CCDC171: variants seen among roughly 807,000 people sequenced by gnomAD.
CCDC171 encodes the protein coiled-coil domain-containing protein 171.
CCDC171 carries 177 observed loss-of-function variants against 168.2 expected under a neutral mutation model. The observed-to-expected ratio is 1.05, with a 90% CI of 0.93 to 1.19. The LOEUF (loss-of-function observed/expected upper bound fraction) is 1.19. Ranked by LOEUF, CCDC171 falls within the 50% of genes most tolerant of loss-of-function variation. The pLI, the probability that CCDC171 is intolerant of heterozygous loss-of-function variation, is 0.00. For synonymous variants in CCDC171, 687 were observed against 540.8 expected, an observed-to-expected ratio of 1.27 and a Z score of -3.75; for missense variants, 1,991 against 1,539.0, an observed-to-expected ratio of 1.29 and a Z score of -4.91.
At chr9:16,005,441 A>G (rs1474620503) in intron 3 of CCDC171, among the ~76,000 whole-genome samples, 1 of 152,214 alleles carries the variant, frequency 6.6e-6, no homozygotes, top group African/African-American at 2.4e-5. Flanking sequence ...GGTCATTGTG[A>G]ATAGTGCTAC....
intron 1 of CCDC171, among the ~76,000 whole-genome samples, chr9:16,047,155 G>T (rs1833674876): frequency 6.6e-6 from 1 of 152,298 alleles, no homozygotes; most frequent in Admixed American, 6.5e-5. Flanking sequence ...CTCCAGCTCA[G>T]ACCCTTTAGG....
intron 24 of CCDC171, among the ~76,000 whole-genome samples, chr9:15,882,142 T>G (rs973121673): frequency 6.6e-6 from 1 of 152,192 alleles, no homozygotes; most frequent in African/African-American, 2.4e-5. Flanking sequence ...TTAACCGGGG[T>G]GAGATGATAG....
chr9:15,994,679 C>G (rs1027775351), intron 3 of CCDC171, among the ~76,000 whole-genome samples: 1 of 152,206 alleles, frequency 6.6e-6, no homozygotes, highest in Non-Finnish European at 1.5e-5. Flanking sequence ...GCCCATTGCA[C>G]ATTTCACCAT....
At chr9:15,712,566 T>A (rs2052749371) in intron 11 of CCDC171, among the ~76,000 whole-genome samples, 1 of 152,324 alleles carries the variant, frequency 6.6e-6, no homozygotes, top group South Asian at 2.1e-4. Flanking sequence ...TGTGTACACA[T>A]GGATGGTAGT....
intron 3 of CCDC171, among the ~76,000 whole-genome samples, chr9:15,997,890 A>G (rs1285608786): frequency 6.6e-6 from 1 of 152,148 alleles, no homozygotes; most frequent in African/African-American, 2.4e-5. Flanking sequence ...CCACAGTGGA[A>G]CAGAATCTCT....
chr9:15,696,370 T>A (rs2051217214), intron 11 of CCDC171, among the ~76,000 whole-genome samples: 1 of 152,210 alleles, frequency 6.6e-6, no homozygotes, highest in African/African-American at 2.4e-5. Context: ...TCTCTGTGTT[T>A]TTAGCTTTTA....
In CCDC171 at chr9:15,732,608, T is replaced by G. The variant is rs113219365; in HGVS notation, c.2049+2810T>G. On this transcript the variant is annotated intron_variant, in intron 16 of 25. Coordinates refer to ENST00000380701, the MANE Select transcript of CCDC171 (RefSeq NM_173550.4). ...AAATATATTTGAGATTCAGTCACAT[T>G]GTTGCATATATCAGTAGTTAATTCC... Among the ~76,000 whole-genome samples the G allele has an allele frequency of 5.7e-3, 867 of 152,312 alleles. 3 individuals are homozygous for G. Among genetic ancestry groups the G allele is most frequent in the Non-Finnish European group, 9.7e-3 (661 of 67,998 alleles).
At chr9:15,928,128 G>A (rs1564014054) in intron 25 of CCDC171, among the ~76,000 whole-genome samples, 1 of 151,616 alleles carries the variant, frequency 6.6e-6, no homozygotes, top group Non-Finnish European at 1.5e-5. Context: ...TTTCCGATGA[G>A]ACTGCAATGT....
In CCDC171 at chr9:16,027,112, G is replaced by A. The variant is rs1021939900; in HGVS notation, n.998+4204G>A. Among the ~76,000 whole-genome samples, 4 of 152,284 alleles carry A rather than the reference G, an allele frequency of 2.6e-5. No individual in the cohort carries two copies. In the South Asian group the frequency reaches 8.3e-4, roughly 32 times the overall value. On this transcript the variant is annotated intron_variant and non_coding_transcript_variant, in intron 6 of 9. Transcript: ENST00000486641. ...CCAAGGTTGAGTAAACAGATGTCCC[G>A]GAGTTGATTTTCCCCAGAATAATTG...
intron 9 of CCDC171, among the ~76,000 whole-genome samples, chr9:15,666,681 C>G (rs1160778507): frequency 6.6e-6 from 1 of 151,894 alleles, no homozygotes; most frequent in African/African-American, 2.4e-5. Flanking sequence ...AAAAATTAGC[C>G]AAGTATAGTG....
At chr9:15,786,244 A>C (rs1313249484) in intron 21 of CCDC171, among the ~76,000 whole-genome samples, 5 of 152,114 alleles carry the variant, frequency 3.3e-5, no homozygotes, top group African/African-American at 7.2e-5. Flanking sequence ...ACTGTTTTGA[A>C]ACTTACTTGT....
rs1371315527 is a variant in CCDC171, at chr9:15,656,940, A to G, written c.823-187A>G. ...AGTTATACCTCTATAAAGTGTAAAG[A>G]AAAAAAAGCAGGCTCTGGAAGCATT... On this transcript the variant is annotated intron_variant, in intron 7 of 25. Coordinates refer to ENST00000380701, the MANE Select transcript of CCDC171 (RefSeq NM_173550.4). Among the ~76,000 whole-genome samples the G allele has an allele frequency of 2.0e-5, 3 of 152,012 alleles. No homozygotes were observed. The East Asian group carries it at 5.8e-4, about 29-fold the overall frequency.
intron 9 of CCDC171, among the ~76,000 whole-genome samples, chr9:15,674,051 T>C (rs2049327843): frequency 6.6e-6 from 1 of 152,194 alleles, no homozygotes; most frequent in Non-Finnish European, 1.5e-5. Flanking sequence ...TATTCAGAGA[T>C]TCAACTTCTT....
At chr9:15,561,221 A>G (rs1448358289) in intron 1 of CCDC171, among the ~76,000 whole-genome samples, 4 of 152,098 alleles carry the variant, frequency 2.6e-5, no homozygotes, top group African/African-American at 7.2e-5. Context: ...GAAATGAGAC[A>G]ATATGTAGAA....
chr9:16,108,407 T>C, the CCDC171 span, among the ~76,000 whole-genome samples: 1 of 152,246 alleles, frequency 6.6e-6, no homozygotes, highest in East Asian at 1.9e-4. Flanking sequence ...ATTTTCTATG[T>C]GTTAGAAAAA....
At chr9:16,078,055 AAC>A in the CCDC171 span, among the ~76,000 whole-genome samples, 15,569 of 143,496 alleles carry the variant, frequency 0.11, 882 homozygotes, top group Middle Eastern at 0.17. Context: ...CACCCATGCA[AAC>A]ACACACACAC....
At chr9:15,592,218 AG>A (rs2042054176) in intron 5 of CCDC171, among the ~76,000 whole-genome samples, 1 of 151,856 alleles carries the variant, frequency 6.6e-6, no homozygotes, top group Admixed American at 6.6e-5. Flanking sequence ...AGTTCCAGCT[AG>A]TAGGGAGGTT....
intron 21 of CCDC171, among the ~76,000 whole-genome samples, chr9:15,822,571 A>G (rs1350202694): frequency 3.3e-5 from 5 of 152,166 alleles, no homozygotes; most frequent in Admixed American, 6.6e-5. Context: ...GCAGCCAAAA[A>G]ACACATGAAA....
chr9:16,037,082 A>C (rs1459507146), intron 8 of CCDC171, among the ~76,000 whole-genome samples: 1 of 152,232 alleles, frequency 6.6e-6, no homozygotes. Flanking sequence ...GTTCTATAGC[A>C]TTGTAGGATA....
Sources: allele counts gnomAD v4.1 joint callset (sites outside exome capture counted in the v4.1 genomes callset), GRCh38; gene constraint gnomAD v4.1.1; transcripts MANE v1.5; gene names NCBI Gene and HGNC (gene_info 2026-07-23, HGNC 2026-07-21).